The following MTUS2 variants were observed in gnomAD, a reference collection of about 807,000 sequenced individuals.
MTUS2 encodes microtubule-associated tumor suppressor candidate 2.
In MTUS2, 40 loss-of-function variants were observed where a neutral mutation model predicts 114.1. The ratio of observed to expected loss-of-function variants is 0.35; its 90% confidence interval spans 0.27 to 0.46. The LOEUF is 0.46. MTUS2 is among the 20% of genes least tolerant of loss of function. The pLI, the probability that MTUS2 is intolerant of heterozygous loss-of-function variation, is 1.00. For missense variants in MTUS2, 1,679 were observed against 1,705.4 expected (o/e 0.98, Z 0.27); for synonymous variants, 688 against 672.0 (o/e 1.02, Z -0.37).
At chr13:29,276,638 C>G (rs1027954969) in intron 5 of MTUS2, among the ~76,000 whole-genome samples, 1 of 152,192 alleles carries the variant, frequency 6.6e-6, no homozygotes. Flanking sequence ...TGGCTCATGC[C>G]TGTAATCCCA....
intron 12 of MTUS2, among the ~76,000 whole-genome samples, chr13:29,494,154 A>G (rs1424964500): frequency 6.6e-6 from 1 of 152,246 alleles, no homozygotes; most frequent in African/African-American, 2.4e-5. Context: ...ATCTTTCTCA[A>G]GGTGTGAACA....
chr13:29,244,983 T>TAAAAAAAAA (rs1156962360), intron 5 of MTUS2, among the ~76,000 whole-genome samples: 6 of 98,576 alleles, frequency 6.1e-5, no homozygotes, highest in Non-Finnish European at 8.4e-5. Flanking sequence ...AAAAAAAAAG[T>TAAAAAAAAA]AAAAGTCTGT....
At chr13:29,240,639 A>C (rs148991009) in intron 5 of MTUS2, among the ~76,000 whole-genome samples, 1 of 152,370 alleles carries the variant, frequency 6.6e-6, no homozygotes, top group Non-Finnish European at 1.5e-5. Context: ...TCAATGCACT[A>C]TAAAAATTTC....
chr13:29,323,543 C>A (rs1243540611), intron 6 of MTUS2, among the ~76,000 whole-genome samples: 1 of 152,136 alleles, frequency 6.6e-6, no homozygotes, highest in Non-Finnish European at 1.5e-5. Context: ...AGCCACCACG[C>A]CCAGCCTGAT....
intron 2 of MTUS2, among the ~76,000 whole-genome samples, chr13:28,889,697 C>G (rs190248857): frequency 1.3e-5 from 2 of 152,226 alleles, no homozygotes; most frequent in African/African-American, 4.8e-5. Flanking sequence ...GGACAAAACA[C>G]TAAACTCTGA....
intron 2 of MTUS2, among the ~76,000 whole-genome samples, chr13:29,001,355 A>G (rs745717396): frequency 9.9e-5 from 15 of 152,116 alleles, no homozygotes; most frequent in Non-Finnish European, 7.4e-5. Flanking sequence ...GGTGGTGGCT[A>G]TGGAGGTTGG....
chr13:29,040,638 T>C (rs1887309683), intron 4 of MTUS2, among the ~76,000 whole-genome samples: 1 of 152,234 alleles, frequency 6.6e-6, no homozygotes, highest in South Asian at 2.1e-4. Context: ...TTTTTTGATT[T>C]TTTGATTATG....
chr13:29,316,453 A>G (rs1000709936), intron 6 of MTUS2, among the ~76,000 whole-genome samples: 1 of 152,206 alleles, frequency 6.6e-6, no homozygotes, highest in Non-Finnish European at 1.5e-5. Flanking sequence ...AAATGGCTTA[A>G]GCCATTTCCT....
At chr13:29,140,099 T>A (rs1892155601) in intron 5 of MTUS2, among the ~76,000 whole-genome samples, 1 of 152,218 alleles carries the variant, frequency 6.6e-6, no homozygotes, top group South Asian at 2.1e-4. Flanking sequence ...TCATTTAAAA[T>A]TTTTAACTTT....
At chr13:29,086,405 G>A (rs945079441) in intron 4 of MTUS2, among the ~76,000 whole-genome samples, 3 of 151,782 alleles carry the variant, frequency 2.0e-5, no homozygotes, top group Non-Finnish European at 2.9e-5. Context: ...GTTTTTATAG[G>A]TATTACATTT....
chr13:29,471,989 G>A (rs1880351443), intron 9 of MTUS2, among the ~76,000 whole-genome samples: 1 of 152,130 alleles, frequency 6.6e-6, no homozygotes, highest in African/African-American at 2.4e-5. Flanking sequence ...AAGAGTCCCA[G>A]TGACTCCTGT....
At chr13:29,247,690 C>T (rs982354062) in intron 5 of MTUS2, among the ~76,000 whole-genome samples, 2 of 152,130 alleles carry the variant, frequency 1.3e-5, no homozygotes, top group African/African-American at 2.4e-5. Flanking sequence ...CAAATCAAAA[C>T]TACAATGTGA....
intron 8 of MTUS2, among the ~76,000 whole-genome samples, chr13:29,384,271 C>A (rs1872480720): frequency 6.6e-6 from 1 of 152,200 alleles, no homozygotes; most frequent in Non-Finnish European, 1.5e-5. Context: ...CAGGGGAAAT[C>A]CCGTGTCCAT....
At chr13:29,435,096 A>G (rs1877307985) in intron 8 of MTUS2, among the ~76,000 whole-genome samples, 1 of 152,184 alleles carries the variant, frequency 6.6e-6, no homozygotes, top group Non-Finnish European at 1.5e-5. Flanking sequence ...TCAGCGTGCA[A>G]AGGAGAGCGG....
chr13:28,832,041 G>A (rs967939464), intron 1 of MTUS2, among the ~76,000 whole-genome samples: 1 of 152,116 alleles, frequency 6.6e-6, no homozygotes, highest in African/African-American at 2.4e-5. Context: ...TAGGATTACA[G>A]GTGTGAGCCA....
chr13:29,039,438 G>A (rs560959309), intron 4 of MTUS2, among the ~76,000 whole-genome samples: 4 of 152,328 alleles, frequency 2.6e-5, no homozygotes, highest in African/African-American at 4.8e-5. Flanking sequence ...CTAGGCCGGC[G>A]CGTCACGGAA....
chr13:29,274,110 G>C (rs184920248), intron 5 of MTUS2, among the ~76,000 whole-genome samples: 35 of 151,988 alleles, frequency 2.3e-4, no homozygotes, highest in Non-Finnish European at 3.1e-4. Flanking sequence ...TGTTTTGTTT[G>C]TTTGTTTGTT....
intron 9 of MTUS2, among the ~76,000 whole-genome samples, chr13:29,455,928 C>T (rs1879078048): frequency 6.6e-6 from 1 of 152,014 alleles, no homozygotes; most frequent in Non-Finnish European, 1.5e-5. Context: ...TTGCAGTGAG[C>T]TATGATTACA....
chr13:29,373,611 C>A (rs910888570), intron 8 of MTUS2, among the ~76,000 whole-genome samples: 1 of 152,274 alleles, frequency 6.6e-6, no homozygotes, highest in Admixed American at 6.5e-5. Context: ...GCTAGACTGG[C>A]CATTGTGGGA....
Sources: gnomAD v4.1 joint callset for allele counts (sites outside exome capture counted in the v4.1 genomes callset) on GRCh38, gnomAD v4.1.1 for gene constraint, MANE v1.5 for transcripts, NCBI Gene and HGNC (gene_info 2026-07-23, HGNC 2026-07-21) for gene names.